The following PRKCA variants were observed in gnomAD, a reference collection of about 807,000 sequenced individuals.
PRKCA encodes protein kinase C alpha type.
Under a neutral mutation model 87.0 loss-of-function variants are expected in PRKCA, and 27 were observed. The ratio of observed to expected loss-of-function variants is 0.31; its 90% CI spans 0.23 to 0.43. The LOEUF (loss-of-function observed/expected upper bound fraction) is 0.43, where lower values mean the gene tolerates loss of function less well. Among genes scored for constraint, PRKCA ranks in the 20% least tolerant of loss-of-function variants. The pLI is 1.00. For missense variants in PRKCA, 518 were observed against 852.3 expected (o/e 0.61, Z 4.88); for synonymous variants, 329 against 311.1 (o/e 1.06, Z -0.61).
At chr17:66,781,732 C>T (rs1318350380) in intron 14 of PRKCA, among the ~76,000 whole-genome samples, 2 of 151,738 alleles carry the variant, frequency 1.3e-5, no homozygotes, top group Non-Finnish European at 2.9e-5. Context: ...AGTGGAGTTT[C>T]AGTTGGGAAG....
chr17:66,391,447 T>C (rs1910352248), intron 2 of PRKCA, among the ~76,000 whole-genome samples: 1 of 152,096 alleles, frequency 6.6e-6, no homozygotes. Flanking sequence ...TGTCATCTGC[T>C]CCACATTGGC....
chr17:66,499,503 G>T (rs1289673747), intron 3 of PRKCA, among the ~76,000 whole-genome samples: 1 of 152,166 alleles, frequency 6.6e-6, no homozygotes, highest in Non-Finnish European at 1.5e-5. Context: ...GCCCACCATG[G>T]ATCAATTGAT....
intron 8 of PRKCA, among the ~76,000 whole-genome samples, chr17:66,713,378 C>T (rs1374301461): frequency 7.2e-5 from 11 of 152,064 alleles, no homozygotes; most frequent in Non-Finnish European, 1.6e-4. Context: ...CACTCCCGGG[C>T]CCCAGTTGGG....
intron 3 of PRKCA, among the ~76,000 whole-genome samples, chr17:66,579,715 G>A (rs1411777886): frequency 6.6e-6 from 1 of 152,182 alleles, no homozygotes; most frequent in Non-Finnish European, 1.5e-5. Context: ...CTGAAACCAG[G>A]GAGCTAAGGC....
intron 2 of PRKCA, among the ~76,000 whole-genome samples, chr17:66,481,314 A>G (rs1915765346): frequency 6.6e-6 from 1 of 152,126 alleles, no homozygotes; most frequent in Non-Finnish European, 1.5e-5. Context: ...CTATTGCTCG[A>G]TAAATATTTG....
chr17:66,490,636 A>G (rs1051590517), intron 2 of PRKCA, among the ~76,000 whole-genome samples: 1 of 152,068 alleles, frequency 6.6e-6, no homozygotes, highest in East Asian at 1.9e-4. Context: ...ACTGGAGTGC[A>G]GTGGTGTGAT....
At chr17:66,691,745 G>C (rs1011254887) in intron 8 of PRKCA, among the ~76,000 whole-genome samples, 3 of 149,898 alleles carry the variant, frequency 2.0e-5, no homozygotes, top group Non-Finnish European at 3.0e-5. Flanking sequence ...TGTTGATCAC[G>C]AGCAGTCACT....
intron 3 of PRKCA, among the ~76,000 whole-genome samples, chr17:66,549,096 G>A (rs1005051146): frequency 5.9e-5 from 9 of 151,740 alleles, no homozygotes; most frequent in South Asian, 2.1e-4. Flanking sequence ...ATGAGCCACC[G>A]TGCCGGGCCA....
rs1468808621 is a variant in PRKCA, at chr17:66,809,712, A to C, written c.*5675A>C. 6.6e-6 allele frequency: 1 copy of C among 152,190 alleles called. No individual in the cohort carries two copies. Among genetic ancestry groups the C allele is most frequent in the Non-Finnish European group, 1.5e-5 (1 of 68,052 alleles). 9.4% of individuals were successfully genotyped at this position (152,190 alleles called of 1,614,324 possible). A position where few individuals can be genotyped will look rare whatever the true frequency, so the allele number is the denominator to read the frequency against. On this transcript the variant is annotated 3_prime_UTR_variant, in exon 17 of 17. Coordinates refer to ENST00000413366, the MANE Select transcript of PRKCA (RefSeq NM_002737.3). ...CCGACTGATGCTCTGCGAGTTTTTAATAGACACTGGGGACAACTGCTTAAG... is the reference window on the plus strand; with the variant it reads ...CCGACTGATGCTCTGCGAGTTTTTACTAGACACTGGGGACAACTGCTTAAG...
intron 13 of PRKCA, among the ~76,000 whole-genome samples, chr17:66,767,307 C>T (rs771673591): frequency 6.6e-6 from 1 of 152,138 alleles, no homozygotes; most frequent in Non-Finnish European, 1.5e-5. Flanking sequence ...TGAGGACCTG[C>T]TGTATGTTGT....
chr17:66,396,766 T>C (rs936164354), intron 2 of PRKCA, among the ~76,000 whole-genome samples: 2 of 151,026 alleles, frequency 1.3e-5, no homozygotes, highest in African/African-American at 2.4e-5. Context: ...GTAGCTGAGA[T>C]TACAGGCACC....
chr17:66,721,991 A>T (rs1170129196), intron 8 of PRKCA, among the ~76,000 whole-genome samples: 1 of 152,124 alleles, frequency 6.6e-6, no homozygotes, highest in Non-Finnish European at 1.5e-5. Flanking sequence ...TATGATGATG[A>T]GATGGACCCA....
intron 5 of PRKCA, among the ~76,000 whole-genome samples, chr17:66,655,016 C>T (rs1312813456): frequency 6.6e-6 from 1 of 152,230 alleles, no homozygotes; most frequent in Non-Finnish European, 1.5e-5. Flanking sequence ...CACGTTCTCA[C>T]AGTCTTCAAA....
chr17:66,481,476 C>T (rs1432509440), intron 2 of PRKCA, among the ~76,000 whole-genome samples: 12 of 152,070 alleles, frequency 7.9e-5, no homozygotes, highest in African/African-American at 1.9e-4. Flanking sequence ...AAGAGTGACA[C>T]GATTGAATAC....
intron 3 of PRKCA, among the ~76,000 whole-genome samples, chr17:66,585,656 G>A (rs978761544): frequency 6.6e-6 from 1 of 152,194 alleles, no homozygotes; most frequent in Admixed American, 6.5e-5. Flanking sequence ...ATTCCCCATG[G>A]CACCAGCAAT....
chr17:66,349,814 C>T (rs1002477898), intron 2 of PRKCA, among the ~76,000 whole-genome samples: 1 of 152,126 alleles, frequency 6.6e-6, no homozygotes, highest in Admixed American at 6.5e-5. Flanking sequence ...TGGCTGCCTC[C>T]AGTGTCTCTT....
chr17:66,473,375 T>C (rs1212177721), intron 2 of PRKCA, among the ~76,000 whole-genome samples: 1 of 152,084 alleles, frequency 6.6e-6, no homozygotes, highest in Non-Finnish European at 1.5e-5. Context: ...CTCCTACCCA[T>C]CTCTTCCTTT....
intron 2 of PRKCA, among the ~76,000 whole-genome samples, chr17:66,318,206 AT>A (rs1365981814): frequency 1.3e-5 from 2 of 152,254 alleles, no homozygotes; most frequent in Non-Finnish European, 2.9e-5. Flanking sequence ...TGAATGGCAC[AT>A]TAATATGGAA....
chr17:66,471,444 T>C (rs1475336724), intron 2 of PRKCA, among the ~76,000 whole-genome samples: 1 of 152,202 alleles, frequency 6.6e-6, no homozygotes, highest in Admixed American at 6.5e-5. Context: ...TGGCACAGAA[T>C]AGGTAACCAC....
Sources: gnomAD v4.1 joint callset for allele counts (sites outside exome capture counted in the v4.1 genomes callset) on GRCh38, gnomAD v4.1.1 for gene constraint, MANE v1.5 for transcripts, NCBI Gene and HGNC (gene_info 2026-07-23, HGNC 2026-07-21) for gene names.